Variants in DHX32 observed in about 807,000 individuals in gnomAD.
The protein encoded by DHX32 is putative pre-mRNA-splicing factor ATP-dependent RNA helicase DHX32.
In DHX32, 51 loss-of-function variants were observed where a neutral mutation model predicts 70.0. That is an observed-to-expected ratio of 0.73 (90% CI 0.58 to 0.92). DHX32 has a LOEUF of 0.92. Ranked by LOEUF, DHX32 falls within the 40% of genes least tolerant of loss-of-function variation. The pLI is 0.00. For synonymous variants in DHX32, 310 were observed against 315.3 expected (o/e 0.98, Z 0.18); for missense variants, 762 against 891.8 (o/e 0.85, Z 1.85).
At chr10:125,871,374 A>C (rs1053017279) in intron 1 of DHX32, among the ~76,000 whole-genome samples, 3 of 152,230 alleles carry the variant, frequency 2.0e-5, no homozygotes, top group African/African-American at 7.2e-5. Flanking sequence ...ACATATCCAT[A>C]TCGTGCTTAA....
At chr10:125,844,856 G>C (rs1311912198) in intron 6 of DHX32, among the ~76,000 whole-genome samples, 1 of 152,182 alleles carries the variant, frequency 6.6e-6, no homozygotes, top group Non-Finnish European at 1.5e-5. Flanking sequence ...GCTTGCCAGC[G>C]GCAGCTGTAC....
At chr10:125,844,182 G>A (rs1328178229) in intron 6 of DHX32, among the ~76,000 whole-genome samples, 1 of 152,220 alleles carries the variant, frequency 6.6e-6, no homozygotes, top group Non-Finnish European at 1.5e-5. Context: ...GACATGAAAA[G>A]TAACAGCCGA....
chr10:125,841,069 G>A, intron 7 of DHX32, 73 bp from the exon 8 acceptor site: 1 of 1,522,104 alleles, frequency 6.6e-7, no homozygotes, highest in Non-Finnish European at 8.9e-7. Flanking sequence ...GCAGAGGGGA[G>A]GGGTCACGAC....
At chr10:125,881,423 G>A (rs891393931), upstream of DHX32, 1 of 152,300 alleles carries the variant, frequency 6.6e-6, no homozygotes, top group Non-Finnish European at 1.5e-5. Context: ...CTAATCCCAT[G>A]TCAAAAGAGG....
In DHX32 at chr10:125,839,185, C is replaced by T. The variant is rs766162520; in HGVS notation, c.1697G>A (p.Cys566Tyr). The change falls in exon 9 of 11, where the codon TGT (cysteine) becomes TAT (tyrosine). Residue 566 changes from cysteine (C) to tyrosine (Y), a missense_variant. Cys to Tyr is a radical substitution (Grantham distance 194, BLOSUM62 -2). Around this residue, in one of 3 missense-constraint regions of DHX32, gnomAD observed 366 missense variants for 402.6 expected, o/e 0.91. Transcript: ENST00000284690. ...DTTLNSSSEY[C>Y]VEKWCRDYFL... Reference sequence around the variant, plus strand: ...GTAATCACGACACCACTTTTCCACACAGTCTAGGAGGGAAAGAACACAAGG... The same window carrying T: ...GTAATCACGACACCACTTTTCCACATAGTCTAGGAGGGAAAGAACACAAGG... The T allele has an allele frequency of 6.2e-6, 10 of 1,613,996 alleles. No homozygotes were observed. In the Admixed American group the frequency reaches 1.0e-4, roughly 16 times the overall value.
chr10:125,866,608 G>A lies in DHX32; in HGVS notation c.476+382C>T, dbSNP rs1944221669. Among the ~76,000 whole-genome samples the A allele has an allele frequency of 6.6e-6, 1 of 152,202 alleles. No homozygotes were observed. The highest frequency in any genetic ancestry group is 1.5e-5 in the Non-Finnish European group (1 of 68,042). On this transcript the variant is annotated intron_variant, in intron 2 of 10. Coordinates refer to ENST00000284690, the MANE Select transcript of DHX32 (RefSeq NM_018180.3). The surrounding 1 kb of genome is among the most constrained non-coding windows in gnomAD (Gnocchi z 4.8). The stretch of plus-strand genomic sequence containing the variant: ...CCCGGACATGCTGAGCACAGGGAGG[G>A]GCAGGTGTACAGGCACAGGGTGTGG...
At chr10:125,853,582 CA>C (rs1340192759) in intron 4 of DHX32, 3 of 211,740 alleles carry the variant, frequency 1.4e-5, no homozygotes, top group Non-Finnish European at 2.8e-5. Context: ...AAGGGGCTAT[CA>C]AAAAAATCCA....
At chr10:125,855,040 A>G (rs887880013) in intron 3 of DHX32, among the ~76,000 whole-genome samples, 59 of 152,140 alleles carry the variant, frequency 3.9e-4, no homozygotes, top group Non-Finnish European at 3.4e-4. Context: ...CCTGGCCAAC[A>G]TGGTGAAACC....
chr10:125,859,532 G>C, intron 3 of DHX32, 71 bp downstream of exon 3: 1 of 1,477,574 alleles, frequency 6.8e-7, no homozygotes, highest in Non-Finnish European at 9.1e-7. Flanking sequence ...ACTGAAACCT[G>C]TATGTTAGTT....
At chr10:125,891,833 C>T (rs148073314) in intron 1 of DHX32, among the ~76,000 whole-genome samples, 2 of 152,182 alleles carry the variant, frequency 1.3e-5, no homozygotes, top group Admixed American at 6.5e-5. Flanking sequence ...TTAGTCTCCA[C>T]GGGTTCTTCC....
intron 7 of DHX32, 80 bp downstream of exon 7, chr10:125,841,663 A>G: frequency 6.5e-7 from 1 of 1,540,404 alleles, no homozygotes; most frequent in East Asian, 2.3e-5. Flanking sequence ...TCCTCAAAAT[A>G]TAATTTCAAA....
intron 2 of DHX32, among the ~76,000 whole-genome samples, chr10:125,865,809 A>G (rs1295998487): frequency 6.6e-6 from 1 of 152,132 alleles, no homozygotes; most frequent in Non-Finnish European, 1.5e-5. Context: ...GATTATGGGC[A>G]TTAGCCACTG....
Position 125,836,802 on chromosome 10 carries a change from C to T in DHX32, c.2117G>A (p.Ser706Asn), listed in dbSNP as rs2134018418. 6.2e-7 allele frequency: 1 copy of T among 1,614,144 alleles called. No homozygotes were observed. Among genetic ancestry groups the T allele is most frequent in the Non-Finnish European group, 8.5e-7 (1 of 1,180,016 alleles). ...YYFSNLPPSE[S>N]KDILQQVVDH... ...CACTACTTGCTGTAGAATGTCCTTA[C>T]TTTCACTAGGAGGCAGATTACTGAA... is the stretch of plus-strand genomic sequence containing the variant. The change falls in exon 11 of 11, where the codon AGT becomes AAT. Residue 706 changes from serine (S) to asparagine (N), a missense_variant. Transcript: ENST00000284690.
chr10:125,894,462 C>A (rs1944398602), intron 1 of DHX32, among the ~76,000 whole-genome samples: 1 of 152,150 alleles, frequency 6.6e-6, no homozygotes. Flanking sequence ...GGTACCCTGT[C>A]CCCTAAAATC....
Position 125,836,614 on chromosome 10 carries a change from T to C in DHX32, c.*73A>G. 1.3e-6 allele frequency: 2 copies of C among 1,538,954 alleles called. No homozygotes were observed. Among genetic ancestry groups the C allele is most frequent in the Non-Finnish European group, 1.8e-6 (2 of 1,134,850 alleles). On this transcript the variant is annotated 3_prime_UTR_variant, in exon 11 of 11. Coordinates refer to ENST00000284690, the MANE Select transcript of DHX32 (RefSeq NM_018180.3). Reference sequence around the variant, plus strand: ...ATGTGAAATCCGTCTTCGCGTCATGTATCTCCCATATCCAGCAGTTCAGCC... The same window carrying C: ...ATGTGAAATCCGTCTTCGCGTCATGCATCTCCCATATCCAGCAGTTCAGCC...
At position 125,836,565 on chromosome 10, in the gene DHX32, A is replaced by G; in HGVS notation, c.*122T>C. 1 of 1,370,248 alleles carries G rather than the reference A, an allele frequency of 7.3e-7. No homozygotes were observed. Among genetic ancestry groups the G allele is most frequent in the Non-Finnish European group, 9.7e-7 (1 of 1,036,166 alleles). 84.9% of individuals were successfully genotyped at this position (1,370,248 alleles called of 1,614,324 possible). ...ATTTTAAAATAATATACACAGTGTT[A>G]TTTTCTTCAAGACCGTCCTGTGGAT... On this transcript the variant is annotated 3_prime_UTR_variant, in exon 11 of 11. Coordinates refer to ENST00000284690, the MANE Select transcript of DHX32 (RefSeq NM_018180.3).
chr10:125,857,167 A>C (rs1164231101), intron 3 of DHX32, among the ~76,000 whole-genome samples: 1 of 152,368 alleles, frequency 6.6e-6, no homozygotes, highest in Admixed American at 6.5e-5. Flanking sequence ...ATCCCAATCC[A>C]TAAGAGATGA....
At chr10:125,853,220 A>G (rs1318064924) in intron 4 of DHX32, 19 of 1,611,350 alleles carry the variant, frequency 1.2e-5, no homozygotes, top group Non-Finnish European at 1.5e-5. Flanking sequence ...AACCTTCATG[A>G]CTGTTGGAAT....
intron 6 of DHX32, among the ~76,000 whole-genome samples, chr10:125,846,206 C>G (rs1944017420): frequency 6.6e-6 from 1 of 152,216 alleles, no homozygotes; most frequent in African/African-American, 2.4e-5. Flanking sequence ...AGCCAGGAAG[C>G]TGGCCCCAGG....
Sources: allele counts gnomAD v4.1 joint callset (sites outside exome capture counted in the v4.1 genomes callset), GRCh38; gene constraint gnomAD v4.1.1; regional missense constraint gnomAD v4.1.1; non-coding constraint Gnocchi (gnomAD v3.1); transcripts MANE v1.5; gene names NCBI Gene and HGNC (gene_info 2026-07-23, HGNC 2026-07-21).